The following PPA2 variants were observed in gnomAD, a reference collection of about 807,000 sequenced individuals.
The protein encoded by PPA2 is inorganic pyrophosphatase 2.
PPA2 carries 48 observed loss-of-function variants against 49.5 expected under a neutral mutation model. The ratio of observed to expected loss-of-function variants is 0.97; its 90% confidence interval spans 0.77 to 1.23. PPA2 has a LOEUF of 1.23. Among genes scored for constraint, PPA2 ranks in the 50% most tolerant of loss-of-function variants. The probability of loss-of-function intolerance (pLI) is 0.00; values close to 1 mark genes in which losing one functional copy is unlikely to be tolerated. For synonymous variants in PPA2, 131 were observed against 139.9 expected (o/e 0.94, Z 0.45); for missense variants, 429 against 410.1 (o/e 1.05, Z -0.40).
chr4:105,454,206 G>A (rs775740931), intron 2 of PPA2, among the ~76,000 whole-genome samples: 14 of 152,086 alleles, frequency 9.2e-5, no homozygotes, highest in Admixed American at 5.9e-4. Context: ...CATATGTAAC[G>A]TTTATACACC....
chr4:105,451,451 C>A (rs1439181515), intron 3 of PPA2, among the ~76,000 whole-genome samples: 1 of 152,196 alleles, frequency 6.6e-6, no homozygotes, highest in Non-Finnish European at 1.5e-5. Flanking sequence ...AGAAGTATGT[C>A]TCATACCTAT....
chr4:105,445,044 G>A (rs1455882869), intron 5 of PPA2, among the ~76,000 whole-genome samples: 1 of 152,142 alleles, frequency 6.6e-6, no homozygotes, highest in Non-Finnish European at 1.5e-5. Context: ...ACATTTTCCA[G>A]TCACTTATTA....
chr4:105,465,019 T>G (rs1387792595), intron 1 of PPA2, among the ~76,000 whole-genome samples: 1 of 152,256 alleles, frequency 6.6e-6, no homozygotes. Flanking sequence ...GAATTTTCTA[T>G]GCATTTCCTA....
chr4:105,462,960 G>A (rs1156552428), intron 1 of PPA2, among the ~76,000 whole-genome samples: 1 of 152,144 alleles, frequency 6.6e-6, no homozygotes, highest in Non-Finnish European at 1.5e-5. Context: ...ACAGTCTTGG[G>A]TATGCCTTTA....
chr4:105,469,403 T>C (rs1206663368), intron 1 of PPA2, among the ~76,000 whole-genome samples: 2 of 152,226 alleles, frequency 1.3e-5, no homozygotes, highest in Non-Finnish European at 2.9e-5. Context: ...GATGAAAGTT[T>C]ATTACTTACA....
intron 3 of PPA2, among the ~76,000 whole-genome samples, chr4:105,450,828 C>G (rs12108594): frequency 0.033 from 5,012 of 152,048 alleles, 272 homozygotes; most frequent in African/African-American, 0.11. Flanking sequence ...AGGATGGTCT[C>G]GATCTCCTGA....
chr4:105,474,021 C>T lies in PPA2; in HGVS notation c.30G>A (p.Thr10=), dbSNP rs1041232875. The T allele has an allele frequency of 6.2e-7, 1 of 1,600,062 alleles. No individual in the cohort carries two copies. Among genetic ancestry groups the T allele is most frequent in the Non-Finnish European group, 8.5e-7 (1 of 1,173,882 alleles). Residue 10 remains threonine, a synonymous_variant, in exon 1 of 12, where the codon ACG becomes ACA. Transcript: ENST00000341695. The part of the protein sequence containing the change: MSALLRLLR[T]GAPAAACLRL... The stretch of plus-strand genomic sequence containing the variant: ...GCAGGCACGCAGCGGCTGGGGCACC[C>T]GTGCGCAGCAGCCGCAGCAGCGCGC...
chr4:105,405,169 GAC>G (rs932650606), intron 7 of PPA2: 2 of 640,876 alleles, frequency 3.1e-6, no homozygotes, highest in African/African-American at 3.9e-5. Flanking sequence ...CATTAATATT[GAC>G]AGTTATTTTA....
intron 10 of PPA2, among the ~76,000 whole-genome samples, chr4:105,385,250 A>C (rs760386113): frequency 6.6e-5 from 10 of 152,136 alleles, no homozygotes; most frequent in Non-Finnish European, 1.2e-4. Context: ...TGCTCTCTGA[A>C]ACGTTCATTA....
intron 9 of PPA2, among the ~76,000 whole-genome samples, chr4:105,387,350 G>A (rs916064012): frequency 2.0e-5 from 3 of 152,164 alleles, no homozygotes; most frequent in Non-Finnish European, 4.4e-5. Context: ...AGAGAAGGGA[G>A]TTAAAGCCAA....
chr4:105,385,603 A>C (rs1018077287), intron 10 of PPA2, among the ~76,000 whole-genome samples: 3 of 152,228 alleles, frequency 2.0e-5, no homozygotes, highest in East Asian at 3.9e-4. Flanking sequence ...CTAGCCTAAG[A>C]TCACTCCTAA....
chr4:105,380,169 G>A (rs946554803), intron 10 of PPA2, among the ~76,000 whole-genome samples: 1 of 150,526 alleles, frequency 6.6e-6, no homozygotes, highest in African/African-American at 2.4e-5. Flanking sequence ...TTATAGAAAG[G>A]TTTTTAAGTA....
intron 9 of PPA2, 124 bp from the exon 10 acceptor site, chr4:105,386,760 T>C: frequency 1.4e-6 from 1 of 706,940 alleles, no homozygotes; most frequent in Non-Finnish European, 2.3e-6. Flanking sequence ...GAATAGAAAC[T>C]GAATGAATAA....
intron 1 of PPA2, among the ~76,000 whole-genome samples, chr4:105,462,017 T>C (rs1198045342): frequency 1.3e-5 from 2 of 152,204 alleles, no homozygotes; most frequent in Non-Finnish European, 2.9e-5. Context: ...ATGTTCCATT[T>C]AAAGGGTATT....
At chr4:105,415,700 G>A (rs1439701457) in intron 7 of PPA2, among the ~76,000 whole-genome samples, 3 of 152,222 alleles carry the variant, frequency 2.0e-5, no homozygotes, top group African/African-American at 7.2e-5. Context: ...CCTGTAGCCC[G>A]GTGGAGTGTG....
At chr4:105,409,888 C>T (rs1003941926) in intron 7 of PPA2, among the ~76,000 whole-genome samples, 6 of 152,212 alleles carry the variant, frequency 3.9e-5, no homozygotes, top group African/African-American at 1.4e-4. Context: ...AGGACATCCA[C>T]ACCAAAACCC....
At chr4:105,402,381 A>G (rs923005504) in intron 7 of PPA2, among the ~76,000 whole-genome samples, 2 of 152,270 alleles carry the variant, frequency 1.3e-5, no homozygotes, top group Admixed American at 6.5e-5. Context: ...TGTAGATATG[A>G]GAGGTCAGGG....
chr4:105,440,392 G>T (rs1290968095), intron 5 of PPA2, among the ~76,000 whole-genome samples: 1 of 151,826 alleles, frequency 6.6e-6, no homozygotes, highest in East Asian at 1.9e-4. Flanking sequence ...CTCCCAAGTG[G>T]CTGGAACTAC....
chr4:105,439,253 C>A (rs2077901681), intron 5 of PPA2, among the ~76,000 whole-genome samples: 1 of 152,138 alleles, frequency 6.6e-6, no homozygotes, highest in South Asian at 2.1e-4. Context: ...TTTAAACTTG[C>A]ACAAACTCAT....
Sources: gnomAD v4.1 joint callset for allele counts (sites outside exome capture counted in the v4.1 genomes callset) on GRCh38, gnomAD v4.1.1 for gene constraint, MANE v1.5 for transcripts, NCBI Gene and HGNC (gene_info 2026-07-23, HGNC 2026-07-21) for gene names.